The following ETV5 variants were observed in gnomAD, a reference collection of about 807,000 sequenced individuals.
The protein encoded by ETV5 is ETS translocation variant 5.
ETV5 carries 10 observed loss-of-function variants against 70.0 expected under a neutral mutation model. The observed-to-expected ratio is 0.14, with a 90% confidence interval of 0.09 to 0.24. ETV5 has a LOEUF of 0.24. Among genes scored for constraint, ETV5 ranks in the 10% least tolerant of loss-of-function variants. The pLI, the probability that ETV5 is intolerant of heterozygous loss-of-function variation, is 1.00. For missense variants in ETV5, 453 were observed against 651.2 expected, an observed-to-expected ratio of 0.70 and a Z score of 3.31; for synonymous variants, 216 against 242.2, an observed-to-expected ratio of 0.89 and a Z score of 1.01.
chr3:186,099,514 G>A (rs968312822), intron 5 of ETV5, among the ~76,000 whole-genome samples: 1 of 152,192 alleles, frequency 6.6e-6, no homozygotes, highest in Admixed American at 6.5e-5. Flanking sequence ...CCGTATGCCC[G>A]AGAGGGGGCT....
intron 5 of ETV5, among the ~76,000 whole-genome samples, chr3:186,101,286 G>A (rs913971011): frequency 6.6e-6 from 1 of 152,052 alleles, no homozygotes; most frequent in South Asian, 2.1e-4. Context: ...GTTTTCTTTT[G>A]TTTTCGTTTT....
Position 186,105,546 on chromosome 3 carries a change from G to A in ETV5, c.134-50C>T. On this transcript the variant is annotated intron_variant, in intron 3 of 12. Transcript: ENST00000306376. The surrounding 1 kb of genome is among the most constrained non-coding windows in gnomAD (Gnocchi z 4.5). ...GAATGAGGATATTTCTTTCGCTAGG[G>A]AGAAGACAGGGAAGAATCTACACGC... The A allele has an allele frequency of 6.2e-7, 1 of 1,612,328 alleles. No homozygotes were observed. Among genetic ancestry groups the A allele is most frequent in the Non-Finnish European group, 8.5e-7 (1 of 1,178,510 alleles).
chr3:186,095,267 TCA>T (rs1714277075), intron 5 of ETV5: 1 of 152,164 alleles, frequency 6.6e-6, no homozygotes, highest in Non-Finnish European at 1.5e-5. Context: ...GAAGGGCTGC[TCA>T]CACTGGATCA....
intron 11 of ETV5, among the ~76,000 whole-genome samples, chr3:186,055,595 GAACAC>G (rs1713140343): frequency 6.6e-6 from 1 of 152,188 alleles, no homozygotes; most frequent in Non-Finnish European, 1.5e-5. Context: ...ATAAAACAGG[GAACAC>G]ATAGGCACAT....
intron 12 of ETV5, among the ~76,000 whole-genome samples, chr3:186,049,628 C>T (rs1386077196): frequency 1.3e-5 from 2 of 152,138 alleles, no homozygotes; most frequent in African/African-American, 4.8e-5. Context: ...GGAAGGCAGC[C>T]AAATTTACTG....
At position 186,048,073 on chromosome 3, in the gene ETV5, C is replaced by G. The variant is rs1035130666; in HGVS notation, c.*566G>C. ...ATTTTGAGAACCACGGAGTGGGGAA[C>G]AGCTGTTCTGACTGCCCCCCTTTTT... is the stretch of plus-strand genomic sequence containing the variant. On this transcript the variant is annotated 3_prime_UTR_variant, in exon 13 of 13. Coordinates refer to ENST00000306376, the MANE Select transcript of ETV5 (RefSeq NM_004454.3). 4 of 234,026 alleles carry G rather than the reference C, an allele frequency of 1.7e-5. No individual in the cohort carries two copies. Among genetic ancestry groups the G allele is most frequent in the South Asian group, 1.8e-4 (1 of 5,548 alleles). The allele number at this position is 234,026 out of a possible 1,614,324, so 14.5% of individuals were successfully genotyped here.
rs1712919839 is a variant in ETV5, at chr3:186,047,904, C to CA, written c.*734dup. ...AACAATCCCCCAAATCAGGGCAAAA[C>CA]AAAATACTGTCAAAAGTGTTAATCG... On this transcript the variant is annotated 3_prime_UTR_variant, in exon 13 of 13. Transcript: ENST00000306376. 4.3e-6 allele frequency: 1 copy of CA among 233,418 alleles called. No individual in the cohort carries two copies. The highest frequency in any genetic ancestry group is 8.5e-6 in the Non-Finnish European group (1 of 117,970). 14.5% of individuals were successfully genotyped at this position (233,418 alleles called of 1,614,324 possible).
At chr3:186,094,024 G>C (rs1324502767) in intron 5 of ETV5, among the ~76,000 whole-genome samples, 3 of 152,228 alleles carry the variant, frequency 2.0e-5, no homozygotes, top group African/African-American at 7.2e-5. Flanking sequence ...CAAGGGTAGA[G>C]AAGTTGGCAA....
At chr3:186,077,643 T>C (rs965994596) in intron 7 of ETV5, among the ~76,000 whole-genome samples, 1 of 152,126 alleles carries the variant, frequency 6.6e-6, no homozygotes, top group East Asian at 1.9e-4. Flanking sequence ...CAAGACTATA[T>C]CCAGGCCCCG....
At chr3:186,108,491 G>A (rs1425887748) in intron 1 of ETV5, 6 of 1,283,526 alleles carry the variant, frequency 4.7e-6, no homozygotes, top group Non-Finnish European at 6.1e-6. Context: ...GCTCTGGGGG[G>A]CAGCGCCTCT....
intron 1 of ETV5, among the ~76,000 whole-genome samples, chr3:186,107,248 C>A (rs1253409363): frequency 6.6e-6 from 1 of 152,200 alleles, no homozygotes; most frequent in Non-Finnish European, 1.5e-5. Flanking sequence ...TGCCTGCGTG[C>A]CCCGTCCAAA....
chr3:186,048,969 G>A (rs560993607), intron 12 of ETV5, 109 bp from the exon 13 acceptor site: 47 of 839,198 alleles, frequency 5.6e-5, no homozygotes, highest in African/African-American at 2.4e-4. Context: ...AGGAGCAGCC[G>A]ATTACCCCAA....
chr3:186,085,060 G>A (rs1261732037), intron 5 of ETV5, among the ~76,000 whole-genome samples: 1 of 151,958 alleles, frequency 6.6e-6, no homozygotes, highest in Non-Finnish European at 1.5e-5. Context: ...CAATGAGAAA[G>A]CTATTAATGC....
intron 5 of ETV5, among the ~76,000 whole-genome samples, chr3:186,086,709 A>G (rs2150151165): frequency 6.6e-6 from 1 of 151,944 alleles, no homozygotes; most frequent in African/African-American, 2.4e-5. Context: ...TAATCCCAGC[A>G]CTTTGGGAGG....
intron 7 of ETV5, among the ~76,000 whole-genome samples, chr3:186,074,448 C>T (rs564075022): frequency 1.5e-4 from 23 of 152,130 alleles, no homozygotes; most frequent in South Asian, 4.1e-4. Context: ...ATATAGAAAA[C>T]GGAAGACACC....
chr3:186,097,243 GA>G (rs11347215), intron 5 of ETV5, among the ~76,000 whole-genome samples: 45,790 of 152,004 alleles, frequency 0.3, 8,463 homozygotes, highest in East Asian at 0.6. Context: ...CTCAGTACCA[GA>G]AGTTTGAGTA....
intron 7 of ETV5, among the ~76,000 whole-genome samples, chr3:186,071,450 T>C (rs905852726): frequency 1.3e-5 from 2 of 152,196 alleles, no homozygotes; most frequent in African/African-American, 4.8e-5. Context: ...TACCACTCAG[T>C]AGCTGTGTGA....
At position 186,105,463 on chromosome 3, in the gene ETV5, G is replaced by A. The variant is rs1358318361; in HGVS notation, c.167C>T (p.Ala56Val). 6.2e-7 allele frequency: 1 copy of A among 1,614,136 alleles called. No homozygotes were observed. The highest frequency in any genetic ancestry group is 8.5e-7 in the Non-Finnish European group (1 of 1,180,002). Residue 56 changes from alanine (A) to valine (V), a missense_variant, in exon 4 of 13, where the codon GCT becomes GTT. Physicochemically the swap from Ala to Val is moderately conservative, Grantham distance 64. Coordinates refer to ENST00000306376, the MANE Select transcript of ETV5 (RefSeq NM_004454.3). The surrounding 1 kb of genome is among the most constrained non-coding windows in gnomAD (Gnocchi z 4.5). Reference protein sequence around the residue: ...LFQDLSQLQEAWLAEAQVPDD... With the variant: ...LFQDLSQLQEVWLAEAQVPDD... The stretch of plus-strand genomic sequence containing the variant: ...ATGAAACTTGCCTTCAGCTAACCAA[G>A]CCTCTTGAAGTTGACTGAGATCCTG...
intron 7 of ETV5, among the ~76,000 whole-genome samples, chr3:186,078,427 T>C (rs1156688283): frequency 6.6e-6 from 1 of 152,044 alleles, no homozygotes; most frequent in Non-Finnish European, 1.5e-5. Flanking sequence ...AAAAATGATA[T>C]CTAGGCCAGA....
Sources: allele counts gnomAD v4.1 joint callset (sites outside exome capture counted in the v4.1 genomes callset), GRCh38; gene constraint gnomAD v4.1.1; non-coding constraint Gnocchi (gnomAD v3.1); transcripts MANE v1.5; gene names NCBI Gene and HGNC (gene_info 2026-07-23, HGNC 2026-07-21).